The following RBM33 variants were observed in gnomAD, a reference collection of about 807,000 sequenced individuals.
RBM33 encodes the protein RNA-binding protein 33.
RBM33 carries 28 observed loss-of-function variants against 132.6 expected under a neutral mutation model. That is an observed-to-expected ratio of 0.21 (90% CI 0.16 to 0.29). RBM33 has a LOEUF of 0.29. RBM33 is among the 10% of genes least tolerant of loss of function. The pLI, the probability that RBM33 is intolerant of heterozygous loss-of-function variation, is 1.00. For synonymous variants in RBM33, 634 were observed against 593.0 expected, an observed-to-expected ratio of 1.07 and a Z score of -1.01; for missense variants, 1,291 against 1,518.5, an observed-to-expected ratio of 0.85 and a Z score of 2.49.
intron 13 of RBM33, among the ~76,000 whole-genome samples, chr7:155,744,539 A>G (rs1019331918): frequency 5.3e-5 from 8 of 152,348 alleles, no homozygotes; most frequent in South Asian, 2.1e-4. Flanking sequence ...CGAAAAATCA[A>G]TAGTTCTAAT....
intron 5 of RBM33, among the ~76,000 whole-genome samples, chr7:155,697,993 G>A (rs952041992): frequency 6.6e-6 from 1 of 152,186 alleles, no homozygotes; most frequent in African/African-American, 2.4e-5. Context: ...TCTTAGGATA[G>A]TTTGATTTTT....
chr7:155,673,940 G>GTTGTTGTTTGT lies in RBM33; in HGVS notation c.171+1027_171+1028insGTTGTTTGTTT. On this transcript the variant is annotated intron_variant, in intron 3 of 17. Coordinates refer to ENST00000401878, the MANE Select transcript of RBM33 (RefSeq NM_053043.3). ...TCATTATCAAGATAGTTTAGGCTTAGTTTTTTTTTTTTTTTTTTTTTTTTT... is the reference window on the plus strand; with the variant it reads ...TCATTATCAAGATAGTTTAGGCTTAGTTGTTGTTTGTTTTTTTTTTTTTTTTTTTTTTTTTT... Among the ~76,000 whole-genome samples, 320 of 54,192 alleles carry GTTGTTGTTTGT rather than the reference G, an allele frequency of 5.9e-3. 84 individuals carry two copies. Among genetic ancestry groups the GTTGTTGTTTGT allele is most frequent in the Non-Finnish European group, 7.2e-3 (222 of 30,834 alleles). 35.6% of individuals were successfully genotyped at this position (54,192 alleles called of 152,430 possible).
At chr7:155,679,188 AAAAC>A (rs1012734290) in intron 4 of RBM33, among the ~76,000 whole-genome samples, 6 of 152,226 alleles carry the variant, frequency 3.9e-5, no homozygotes, top group Non-Finnish European at 8.8e-5. Context: ...AAAAAAACAA[AAAAC>A]AAAAAATCAG....
Position 155,775,272 on chromosome 7 carries a change from C to G in RBM33, c.*231C>G, listed in dbSNP as rs1802569138. On this transcript the variant is annotated 3_prime_UTR_variant, in exon 18 of 18. Coordinates refer to ENST00000401878, the MANE Select transcript of RBM33 (RefSeq NM_053043.3). ...ATTGCTTCACATTCTCTTGTCACCA[C>G]CAAGAACTCCAAGTTTTTCGTTTTG... The G allele has an allele frequency of 1.6e-6, 1 of 633,554 alleles. No individual in the cohort carries two copies. Among genetic ancestry groups the G allele is most frequent in the South Asian group, 1.7e-5 (1 of 59,156 alleles). 39.2% of individuals were successfully genotyped at this position (633,554 alleles called of 1,614,324 possible).
Position 155,763,863 on chromosome 7 carries a change from C to G in RBM33, c.3031C>G (p.Pro1011Ala), listed in dbSNP as rs1157420762. 6.2e-7 allele frequency: 1 copy of G among 1,611,802 alleles called. No individual in the cohort carries two copies. Among genetic ancestry groups the G allele is most frequent in the African/African-American group, 1.3e-5 (1 of 75,024 alleles). ...FHPEGQPQRL[P>A]QPPEVGPQPA... The stretch of plus-strand genomic sequence containing the variant: ...CCCAGAAGGCCAGCCCCAGCGGCTT[C>G]CCCAGCCTCCGGAAGTGGGACCACA... Residue 1011 changes from proline to alanine, a missense_variant, in exon 15 of 18, where the codon CCC becomes GCC. Physicochemically the swap from Pro to Ala is conservative, Grantham distance 27. Coordinates refer to ENST00000401878, the MANE Select transcript of RBM33 (RefSeq NM_053043.3).
intron 7 of RBM33, among the ~76,000 whole-genome samples, chr7:155,710,756 T>C (rs1920454): frequency 0.68 from 103,481 of 151,862 alleles, 35,611 homozygotes; most frequent in South Asian, 0.77. Context: ...GCCTCAGTTC[T>C]GGAGCAGGGT....
chr7:155,696,184 C>G (rs1799789950), intron 5 of RBM33, among the ~76,000 whole-genome samples: 1 of 152,036 alleles, frequency 6.6e-6, no homozygotes, highest in Non-Finnish European at 1.5e-5. Context: ...TGTGTAAATC[C>G]ACTAATTTTA....
intron 3 of RBM33, among the ~76,000 whole-genome samples, chr7:155,676,732 G>A (rs188270560): frequency 3.0e-4 from 45 of 152,300 alleles, no homozygotes; most frequent in Non-Finnish European, 4.7e-4. Flanking sequence ...CAGTTCTTTA[G>A]GATGTGTTGA....
intron 9 of RBM33, among the ~76,000 whole-genome samples, chr7:155,721,070 A>T (rs180779762): frequency 3.9e-5 from 6 of 152,308 alleles, no homozygotes; most frequent in Admixed American, 6.5e-5. Flanking sequence ...TCCTTTCCCC[A>T]GCTTAAGTAC....
chr7:155,728,570 CT>C (rs1426026350), intron 9 of RBM33, among the ~76,000 whole-genome samples: 1 of 152,142 alleles, frequency 6.6e-6, no homozygotes, highest in African/African-American at 2.4e-5. Context: ...TAATGCAGCT[CT>C]TGTAGATTGA....
Position 155,694,667 on chromosome 7 carries a change from T to C in RBM33, c.568-6106T>C, listed in dbSNP as rs1051865751. ...TTCCTAGTCTGGAACATCACCTAAA[T>C]GTAGTCATATAGTGTGTGTGCGCTC... On this transcript the variant is annotated intron_variant, in intron 5 of 17. Transcript: ENST00000401878. Among the ~76,000 whole-genome samples the C allele has an allele frequency of 2.0e-5, 3 of 152,236 alleles. No individual in the cohort carries two copies. In the East Asian group the frequency reaches 5.8e-4, roughly 29 times the overall value.
At chr7:155,724,469 A>G (rs1800719202) in intron 9 of RBM33, among the ~76,000 whole-genome samples, 1 of 152,214 alleles carries the variant, frequency 6.6e-6, no homozygotes, top group Non-Finnish European at 1.5e-5. Flanking sequence ...CGGAGGTTGC[A>G]GTGAGCTGAG....
chr7:155,738,053 C>G lies in RBM33; in HGVS notation c.1394-7C>G. On this transcript the variant is annotated splice_polypyrimidine_tract_variant and splice_region_variant and intron_variant, in intron 10 of 17. Coordinates refer to ENST00000401878, the MANE Select transcript of RBM33 (RefSeq NM_053043.3). ...CCTGAAGTTAATGATGTTGTGTTAC[C>G]TTTCAGTTTCAGGTGAACCAAGATT... 6.2e-7 allele frequency: 1 copy of G among 1,609,146 alleles called. No homozygotes were observed. The highest frequency in any genetic ancestry group is 8.5e-7 in the Non-Finnish European group (1 of 1,176,644).
intron 9 of RBM33, among the ~76,000 whole-genome samples, chr7:155,727,268 C>T (rs1340114686): frequency 1.3e-5 from 2 of 152,162 alleles, no homozygotes; most frequent in Non-Finnish European, 2.9e-5. Context: ...GGAGCTCCCC[C>T]CACCCATCCC....
intron 1 of RBM33, among the ~76,000 whole-genome samples, chr7:155,658,103 C>T (rs1461228890): frequency 6.6e-6 from 1 of 152,098 alleles, no homozygotes; most frequent in Non-Finnish European, 1.5e-5. Context: ...TTTCTCCCTT[C>T]ATTTTTGTCA....
chr7:155,717,193 C>T (rs59755348), intron 8 of RBM33, among the ~76,000 whole-genome samples: 3,765 of 152,246 alleles, frequency 0.025, 139 homozygotes, highest in African/African-American at 0.085. Flanking sequence ...GCTGCTGTAA[C>T]AAGCACCGCA....
Position 155,753,851 on chromosome 7 carries a change from G to T in RBM33, c.2979+8249G>T, listed in dbSNP as rs116672049. On this transcript the variant is annotated intron_variant, in intron 14 of 17. Transcript: ENST00000401878. ...CATTTGTTTAAAGGTGCTAATGAGTGGTAAAATGGCCAACAGGCAAATAGC... is the reference window on the plus strand; with the variant it reads ...CATTTGTTTAAAGGTGCTAATGAGTTGTAAAATGGCCAACAGGCAAATAGC... Among the ~76,000 whole-genome samples, 1,069 of 152,282 alleles carry T rather than the reference G, an allele frequency of 7.0e-3. 18 individuals are homozygous for T. Among genetic ancestry groups the T allele is most frequent in the African/African-American group, 0.024 (1,005 of 41,552 alleles).
intron 14 of RBM33, among the ~76,000 whole-genome samples, chr7:155,747,338 C>G (rs943297110): frequency 6.6e-5 from 10 of 152,100 alleles, no homozygotes; most frequent in African/African-American, 2.2e-4. Context: ...CATTCTTTTA[C>G]TTGTGTTACA....
chr7:155,646,144 C>G (rs1313199357), intron 1 of RBM33, among the ~76,000 whole-genome samples: 1 of 152,106 alleles, frequency 6.6e-6, no homozygotes, highest in Non-Finnish European at 1.5e-5. Flanking sequence ...ATTAGAAAGA[C>G]TAAGGTGTTA....
Sources: gnomAD v4.1 joint callset for allele counts (sites outside exome capture counted in the v4.1 genomes callset) on GRCh38, gnomAD v4.1.1 for gene constraint, MANE v1.5 for transcripts, NCBI Gene and HGNC (gene_info 2026-07-23, HGNC 2026-07-21) for gene names.